GALNTL5: variants seen among roughly 807,000 people sequenced by gnomAD.
GALNTL5 encodes inactive polypeptide N-acetylgalactosaminyltransferase-like protein 5.
A neutral mutation model predicts 51.0 loss-of-function variants in GALNTL5; 44 were observed. The ratio of observed to expected loss-of-function variants is 0.86; its 90% CI spans 0.68 to 1.11. The LOEUF (loss-of-function observed/expected upper bound fraction) is 1.11. Ranked by LOEUF, GALNTL5 falls within the 50% of genes least tolerant of loss-of-function variation. The probability of loss-of-function intolerance (pLI) is 0.00; values close to 1 mark genes in which losing one functional copy is unlikely to be tolerated. For synonymous variants in GALNTL5, 192 were observed against 182.8 expected, an observed-to-expected ratio of 1.05 and a Z score of -0.41; for missense variants, 528 against 531.8, an observed-to-expected ratio of 0.99 and a Z score of 0.07.
chr7:151,970,871 T>A (rs367780888), intron 2 of GALNTL5, 74 bp from the exon 3 acceptor site: 2 of 1,251,232 alleles, frequency 1.6e-6, no homozygotes, highest in African/African-American at 3.0e-5. Flanking sequence ...GTTTTGGTTA[T>A]TCTAGATCTT....
chr7:152,011,015 AG>A (rs2081731039), intron 7 of GALNTL5, among the ~76,000 whole-genome samples: 1 of 152,216 alleles, frequency 6.6e-6, no homozygotes, highest in Admixed American at 6.5e-5. Flanking sequence ...CAAACCTGTA[AG>A]GTAAGTACCA....
intron 6 of GALNTL5, among the ~76,000 whole-genome samples, chr7:152,005,102 C>A (rs2151957947): frequency 1.3e-5 from 2 of 152,322 alleles, no homozygotes; most frequent in South Asian, 4.1e-4. Context: ...TTCTCCTCAT[C>A]CTCGCCAGCA....
At chr7:151,986,353 G>A (rs1040672650) in intron 4 of GALNTL5, among the ~76,000 whole-genome samples, 3 of 152,150 alleles carry the variant, frequency 2.0e-5, no homozygotes, top group Non-Finnish European at 4.4e-5. Context: ...ATATTTACAG[G>A]GCGAGGCGTG....
At chr7:152,017,493 A>G (rs1370501338) in intron 8 of GALNTL5, among the ~76,000 whole-genome samples, 6 of 152,362 alleles carry the variant, frequency 3.9e-5, no homozygotes, top group African/African-American at 1.2e-4. Flanking sequence ...GCAGCCAAAC[A>G]CAACGGAACT....
At chr7:152,018,426 C>T (rs773596127) in intron 8 of GALNTL5, among the ~76,000 whole-genome samples, 83 of 151,954 alleles carry the variant, frequency 5.5e-4, no homozygotes, top group Non-Finnish European at 8.7e-4. Context: ...TATTTCATTA[C>T]GACAACTCTT....
intron 4 of GALNTL5, 80 bp downstream of exon 4, chr7:151,983,232 C>T (rs561310429): frequency 4.9e-6 from 6 of 1,214,376 alleles, no homozygotes; most frequent in African/African-American, 1.5e-5. Context: ...GGCTGGAGTG[C>T]AGTGGTACCA....
chr7:152,009,207 A>C (rs562081019), intron 7 of GALNTL5, among the ~76,000 whole-genome samples: 2 of 152,298 alleles, frequency 1.3e-5, no homozygotes, highest in Admixed American at 6.5e-5. Flanking sequence ...TTCCTGAGAA[A>C]AGAATGATCT....
At chr7:151,995,633 T>C (rs1395231529) in intron 5 of GALNTL5, among the ~76,000 whole-genome samples, 1 of 151,556 alleles carries the variant, frequency 6.6e-6, no homozygotes, top group Non-Finnish European at 1.5e-5. Context: ...CGAACTAACA[T>C]GGCTGTTACA....
At position 151,986,360 on chromosome 7, in the gene GALNTL5, C is replaced by T. The variant is rs369324670; in HGVS notation, c.536-799C>T. 1.1e-4 allele frequency among the ~76,000 whole-genome samples: 17 copies of T among 152,262 alleles called. No homozygotes were observed. The East Asian group carries it at 1.7e-3, about 16-fold the overall frequency. On this transcript the variant is annotated intron_variant, in intron 4 of 8. Transcript: ENST00000392800. ...ATAGAATAATATTTACAGGGCGAGG[C>T]GTGGTGGCTCACGCCTATAATCCCA... is the stretch of plus-strand genomic sequence containing the variant.
Position 152,016,850 on chromosome 7 carries a change from T to C in GALNTL5, c.1176+2057T>C, listed in dbSNP as rs557987666. Among the ~76,000 whole-genome samples the C allele has an allele frequency of 4.6e-5, 7 of 151,744 alleles. No homozygotes were observed. The East Asian group carries it at 7.8e-4, about 17-fold the overall frequency. On this transcript the variant is annotated intron_variant, in intron 8 of 8. Transcript: ENST00000392800. ...AGGAGTTCAAGACCAGCCTGGCCAA[T>C]GTGGTGAAACCTCATCTCTACTAAA...
At chr7:152,006,368 G>A (rs992545144) in intron 6 of GALNTL5, among the ~76,000 whole-genome samples, 1 of 152,214 alleles carries the variant, frequency 6.6e-6, no homozygotes, top group Non-Finnish European at 1.5e-5. Flanking sequence ...GAGAAAAGGG[G>A]ACATAACTGA....
intron 8 of GALNTL5, 43 bp from the exon 9 acceptor site, chr7:152,019,603 T>C: frequency 6.4e-7 from 1 of 1,559,840 alleles, no homozygotes; most frequent in Non-Finnish European, 8.8e-7. Context: ...CAGCAAAGAT[T>C]TGTTTGGTTG....
At chr7:151,979,219 C>T (rs1338880352) in intron 3 of GALNTL5, among the ~76,000 whole-genome samples, 1 of 148,598 alleles carries the variant, frequency 6.7e-6, no homozygotes, top group Admixed American at 6.8e-5. Flanking sequence ...ACGCCATTCT[C>T]CTTCCTCAGC....
chr7:151,962,552 C>T (rs917978366), intron 1 of GALNTL5, among the ~76,000 whole-genome samples: 1 of 151,280 alleles, frequency 6.6e-6, no homozygotes, highest in African/African-American at 2.4e-5. Context: ...CTCCATCCCA[C>T]ATACTCTTCC....
chr7:151,972,261 A>C (rs1040474443), intron 3 of GALNTL5, among the ~76,000 whole-genome samples: 1 of 152,212 alleles, frequency 6.6e-6, no homozygotes, highest in Non-Finnish European at 1.5e-5. Context: ...GAAATGGAGT[A>C]AAGGTGACTC....
rs113960815 is a variant in GALNTL5 at position 151,983,153 on chromosome 7, G to C, written c.535+1G>C. The C allele has an allele frequency of 6.2e-7, 1 of 1,610,446 alleles. No homozygotes were observed. Among genetic ancestry groups the C allele is most frequent in the Non-Finnish European group, 8.5e-7 (1 of 1,176,868 alleles). On this transcript the variant is annotated splice_donor_variant, in intron 4 of 8. Transcript: ENST00000392800. LOFTEE classifies it high-confidence loss of function. ...TTGGTAGATGACATGAGCAAAGTTG[G>C]TAAGATAGAACACTCATTATCTCAT...
intron 1 of GALNTL5, among the ~76,000 whole-genome samples, chr7:151,959,707 C>T (rs11970912): frequency 0.29 from 44,277 of 151,946 alleles, 7,538 homozygotes; most frequent in African/African-American, 0.45. Context: ...TCCTTCTTCC[C>T]TTAGCAGGGT....
chr7:151,973,784 AG>A (rs58944873), intron 3 of GALNTL5, among the ~76,000 whole-genome samples: 58,935 of 151,838 alleles, frequency 0.39, 12,028 homozygotes, highest in Middle Eastern at 0.51. Flanking sequence ...GGGAGGGGCC[AG>A]GGGCAGAATG....
chr7:151,971,111 A>C, intron 3 of GALNTL5, 46 bp downstream of exon 3: 1 of 1,211,652 alleles, frequency 8.3e-7, no homozygotes, highest in Non-Finnish European at 1.2e-6. Flanking sequence ...AGATAGATAG[A>C]TAGATAGATA....
Sources: gnomAD v4.1 joint callset for allele counts (sites outside exome capture counted in the v4.1 genomes callset) on GRCh38, gnomAD v4.1.1 for gene constraint, MANE v1.5 for transcripts, NCBI Gene and HGNC (gene_info 2026-07-23, HGNC 2026-07-21) for gene names.